Variants in PLPPR3 observed in about 807,000 individuals in gnomAD.
The protein encoded by PLPPR3 is phospholipid phosphatase-related protein type 3.
Under a neutral mutation model 27.3 loss-of-function variants are expected in PLPPR3, and 14 were observed. The observed-to-expected ratio is 0.51, with a 90% CI of 0.34 to 0.80. The LOEUF is 0.80. Ranked by LOEUF, PLPPR3 falls within the 30% of genes least tolerant of loss-of-function variation. PLPPR3 has a pLI of 0.01. For synonymous variants in PLPPR3, 671 were observed against 508.0 expected (o/e 1.32, Z -4.32); for missense variants, 1,287 against 1,056.9 (o/e 1.22, Z -3.02).
At chr19:821,990 C>T (rs995587663), upstream of PLPPR3, 1 of 142,736 alleles carries the variant, frequency 7.0e-6, no homozygotes, top group African/African-American at 2.5e-5. Context: ...GGGAGGGGGA[C>T]GGGGGAGGGG....
At chr19:822,724 G>C (rs1446110047), upstream of PLPPR3, among the ~76,000 whole-genome samples, 1 of 152,212 alleles carries the variant, frequency 6.6e-6, no homozygotes, top group African/African-American at 2.4e-5. Flanking sequence ...GCCCTGCGGG[G>C]TAGGGGCTGG....
intron 5 of PLPPR3, 65 bp downstream of exon 5, chr19:814,821 T>G: frequency 6.4e-7 from 1 of 1,573,508 alleles, no homozygotes; most frequent in Non-Finnish European, 8.6e-7. Context: ...TGTGTCTCTG[T>G]TTCCCCGCAT....
rs1379217459 is a variant in PLPPR3 at position 813,676 on chromosome 19, G to C, written c.1051C>G (p.Arg351Gly). The change falls in exon 8 of 8, where the codon CGC (arginine) becomes GGC (glycine). Residue 351 changes from arginine to glycine, a missense_variant. By Grantham distance (125) the Arg-to-Gly change is moderately radical. Coordinates refer to ENST00000520876, the MANE Select transcript of PLPPR3 (RefSeq NM_001270366.2). The surrounding 1 kb of genome is among the most constrained non-coding windows in gnomAD (Gnocchi z 4.1). ...REKTSLGSLK[R>G]ASVDVDLLAP... ...AGCAGGTCCACGTCCACGCTGGCGC[G>C]CTTCAGGCTGCCCAGCGAGGTCTTC... The C allele has an allele frequency of 6.5e-7, 1 of 1,533,292 alleles. No homozygotes were observed. The highest frequency in any genetic ancestry group is 8.7e-7 in the Non-Finnish European group (1 of 1,144,454). The allele number at this position is 1,533,292 out of a possible 1,614,324, so 95.0% of individuals were successfully genotyped here.
chr19:817,669 C>G (rs1413463195), intron 2 of PLPPR3, among the ~76,000 whole-genome samples: 1 of 152,086 alleles, frequency 6.6e-6, no homozygotes, highest in Non-Finnish European at 1.5e-5. Context: ...GGGCTGGGGG[C>G]TCCAGGAAGG....
chr19:813,357 T>C lies in PLPPR3; in HGVS notation c.1370A>G (p.Glu457Gly). 1.3e-6 allele frequency: 2 copies of C among 1,485,076 alleles called. No individual in the cohort carries two copies. Among genetic ancestry groups the C allele is most frequent in the Non-Finnish European group, 1.8e-6 (2 of 1,125,758 alleles). 92.0% of individuals were successfully genotyped at this position (1,485,076 alleles called of 1,614,324 possible). A position where few individuals can be genotyped will look rare whatever the true frequency, so the allele number is the denominator to read the frequency against. The stretch of plus-strand genomic sequence containing the variant: ...CGGGGCCGGGCCCTCGTCCTCCTCC[T>C]CTTCCTCCTCCTCCTCTTCCTCTTC... ...EDEEEEEEEE[E>G]EEDEGPAPPS... The change falls in exon 8 of 8, where the codon GAG (glutamate) becomes GGG (glycine). Residue 457 changes from glutamate to glycine, a missense_variant. By Grantham distance (98) the Glu-to-Gly change is moderately conservative. Transcript: ENST00000520876. The surrounding 1 kb of genome is among the most constrained non-coding windows in gnomAD (Gnocchi z 4.1).
chr19:822,299 G>A (rs924511947), upstream of PLPPR3, among the ~76,000 whole-genome samples: 60 of 151,812 alleles, frequency 4.0e-4, no homozygotes, highest in African/African-American at 1.5e-3. Flanking sequence ...GCGGAGGCGG[G>A]GGCGGGGGTT....
rs2034958287 is a variant in PLPPR3, at chr19:812,873, GCCGCCGTCGGCCT to G, written c.1841_1853del (p.Glu614AlafsTer124). ...CGCGCGCCAGGTCCCCCAGCTCGTA[GCCGCCGTCGGCCT>G]CCGCCTTGGCCCCGCCGCCCGCCGC... On this transcript the variant is annotated frameshift_variant, in exon 8 of 8. Coordinates refer to ENST00000520876, the MANE Select transcript of PLPPR3 (RefSeq NM_001270366.2). LOFTEE classifies it low-confidence loss of function (END_TRUNC). 1 of 1,189,530 alleles carries G rather than the reference GCCGCCGTCGGCCT, an allele frequency of 8.4e-7. No homozygotes were observed. The highest frequency in any genetic ancestry group is 1.0e-6 in the Non-Finnish European group (1 of 957,076). 73.7% of individuals were successfully genotyped at this position (1,189,530 alleles called of 1,614,324 possible). A position where few individuals can be genotyped will look rare whatever the true frequency, so the allele number is the denominator to read the frequency against.
Position 812,552 on chromosome 19 carries a change from G to T in PLPPR3, c.*18C>A, listed in dbSNP as rs1307683858. On this transcript the variant is annotated 3_prime_UTR_variant, in exon 8 of 8. Transcript: ENST00000520876. ...CGCGCCCTCGGCCCGCCCCCCGCCC[G>T]CCCCCGGCCCCGCCGCGCTAGTCGG... is the stretch of plus-strand genomic sequence containing the variant. 2.2e-5 allele frequency: 8 copies of T among 361,936 alleles called. No individual in the cohort carries two copies. The highest frequency in any genetic ancestry group is 2.6e-5 in the Non-Finnish European group (8 of 302,256). 22.4% of individuals were successfully genotyped at this position (361,936 alleles called of 1,614,324 possible). A position where few individuals can be genotyped will look rare whatever the true frequency, so the allele number is the denominator to read the frequency against.
upstream of PLPPR3, among the ~76,000 whole-genome samples, chr19:823,555 T>C (rs191081029): frequency 2.9e-4 from 44 of 152,020 alleles, no homozygotes; most frequent in African/African-American, 9.2e-4. Context: ...TCGCCTGCCA[T>C]AAATGCGGAA....
At position 813,388 on chromosome 19, in the gene PLPPR3, C is replaced by T. The variant is rs1335171754; in HGVS notation, c.1339G>A (p.Glu447Lys). The change falls in exon 8 of 8, where the codon GAG (glutamate) becomes AAG (lysine). Residue 447 changes from glutamate (E) to lysine (K), a missense_variant. Transcript: ENST00000520876. This position sits in a 1 kb window ranked among gnomAD's most constrained non-coding sequence, Gnocchi z 4.1. The stretch of plus-strand genomic sequence containing the variant: ...TCCTCCTCCTCTTCCTCTTCGTCCT[C>T]CTCCTCTTCCTCCTCCTCCGCCATG... ...EPMAEEEEEEEDEEEEEEEEE... is the reference protein window; with the variant it reads ...EPMAEEEEEEKDEEEEEEEEE... The T allele has an allele frequency of 2.7e-6, 4 of 1,500,556 alleles. No individual in the cohort carries two copies. The highest frequency in any genetic ancestry group is 1.8e-6 in the Non-Finnish European group (2 of 1,132,740). The allele number at this position is 1,500,556 out of a possible 1,614,324, so 93.0% of individuals were successfully genotyped here. A position where few individuals can be genotyped will look rare whatever the true frequency, so the allele number is the denominator to read the frequency against.
chr19:812,575 C>T lies in PLPPR3; in HGVS notation c.2152G>A (p.Asp718Asn), dbSNP rs1411754555. 2.0e-5 allele frequency: 15 copies of T among 747,474 alleles called. No homozygotes were observed. Among genetic ancestry groups the T allele is most frequent in the South Asian group, 3.5e-5 (1 of 28,312 alleles). The allele number at this position is 747,474 out of a possible 1,614,324, so 46.3% of individuals were successfully genotyped here. ...FRKMQARRFPD is the reference protein window; with the variant it reads ...FRKMQARRFPN ...CCGCCCCCGGCCCCGCCGCGCTAGT[C>T]GGGGAAGCGGCGCGCCTGCATCTTG... Residue 718 changes from aspartate (D) to asparagine (N), a missense_variant, in exon 8 of 8, where the codon GAC becomes AAC. By Grantham distance (23) the Asp-to-Asn change is conservative. Transcript: ENST00000520876.
chr19:813,692 C>T lies in PLPPR3; in HGVS notation c.1035G>A (p.Ser345=), dbSNP rs559205087. Residue 345 remains serine, a synonymous_variant, in exon 8 of 8, where the codon TCG becomes TCA. Coordinates refer to ENST00000520876, the MANE Select transcript of PLPPR3 (RefSeq NM_001270366.2). The surrounding 1 kb of genome is among the most constrained non-coding windows in gnomAD (Gnocchi z 4.1). ...CGCTGGCGCGCTTCAGGCTGCCCAGCGAGGTCTTCTCGCGGGCCACGGGCC... is the reference window on the plus strand; with the variant it reads ...CGCTGGCGCGCTTCAGGCTGCCCAGTGAGGTCTTCTCGCGGGCCACGGGCC... ...APRPVAREKT[S]LGSLKRASVD... The T allele has an allele frequency of 6.5e-7, 1 of 1,530,760 alleles. No individual in the cohort carries two copies. Among genetic ancestry groups the T allele is most frequent in the South Asian group, 1.2e-5 (1 of 83,672 alleles). The allele number at this position is 1,530,760 out of a possible 1,614,324, so 94.8% of individuals were successfully genotyped here.
Position 821,466 on chromosome 19 carries a change from C to T in PLPPR3, c.75+19G>A. On this transcript the variant is annotated intron_variant, in intron 2 of 7. Coordinates refer to ENST00000520876, the MANE Select transcript of PLPPR3 (RefSeq NM_001270366.2). ...GAACCGAGGCGTCTCCCCCGGGCCC[C>T]AGCGCGACCCCCACCCACCTCCACG... is the stretch of plus-strand genomic sequence containing the variant. 6.6e-7 allele frequency: 1 copy of T among 1,509,546 alleles called. No homozygotes were observed. Among genetic ancestry groups the T allele is most frequent in the Non-Finnish European group, 8.9e-7 (1 of 1,128,392 alleles). The allele number at this position is 1,509,546 out of a possible 1,614,324, so 93.5% of individuals were successfully genotyped here.
chr19:822,394 C>T (rs1390646019), upstream of PLPPR3, among the ~76,000 whole-genome samples: 2 of 152,068 alleles, frequency 1.3e-5, no homozygotes, highest in Non-Finnish European at 2.9e-5. Context: ...CTCCGCCCGC[C>T]CCTCCGCGGA....
In PLPPR3 at chr19:813,992, G is replaced by GT; in HGVS notation, c.832-98_832-97insA. The GT allele has an allele frequency of 8.2e-7, 1 of 1,217,540 alleles. No individual in the cohort carries two copies. The highest frequency in any genetic ancestry group is 1.7e-5 in the South Asian group (1 of 60,136). 75.4% of individuals were successfully genotyped at this position (1,217,540 alleles called of 1,614,324 possible). A position where few individuals can be genotyped will look rare whatever the true frequency, so the allele number is the denominator to read the frequency against. On this transcript the variant is annotated intron_variant, in intron 7 of 7. Coordinates refer to ENST00000520876, the MANE Select transcript of PLPPR3 (RefSeq NM_001270366.2). This position sits in a 1 kb window ranked among gnomAD's most constrained non-coding sequence, Gnocchi z 4.1. ...CCGCGGGGGGCTCTGGACCGGGGGT[G>GT]GGGGCTGGCAAGCTCTTGTCCAGTG... is the stretch of plus-strand genomic sequence containing the variant.
upstream of PLPPR3, among the ~76,000 whole-genome samples, chr19:823,297 C>A (rs2035174987): frequency 6.7e-6 from 1 of 149,356 alleles, no homozygotes; most frequent in South Asian, 2.1e-4. Context: ...TAAAAATTAG[C>A]CGGACATGGT....
intron 3 of PLPPR3, 52 bp from the exon 4 acceptor site, chr19:815,379 C>T (rs1243324495): frequency 6.7e-7 from 1 of 1,489,018 alleles, no homozygotes; most frequent in African/African-American, 1.4e-5. Flanking sequence ...GGAGGGGGCG[C>T]TCAGGCGGGC....
chr19:812,791 C>T lies in PLPPR3; in HGVS notation c.1936G>A (p.Val646Met), dbSNP rs1232041614. Reference sequence around the variant, plus strand: ...CCGAACCGCGGCTCCTCCTGGTCCACGTCGCTGACCGACGAGCCGGGGGAC... The same window carrying T: ...CCGAACCGCGGCTCCTCCTGGTCCATGTCGCTGACCGACGAGCCGGGGGAC... ...GVSPGSSVSD[V>M]DQEEPRFGAV... The change falls in exon 8 of 8, where the codon GTG becomes ATG. Residue 646 changes from valine (V) to methionine (M), a missense_variant. Val to Met is a conservative substitution (Grantham distance 21). Transcript: ENST00000520876. 1.8e-6 allele frequency: 2 copies of T among 1,090,486 alleles called. No homozygotes were observed. Among genetic ancestry groups the T allele is most frequent in the Non-Finnish European group, 2.2e-6 (2 of 896,612 alleles). 67.6% of individuals were successfully genotyped at this position (1,090,486 alleles called of 1,614,324 possible).
At position 813,000 on chromosome 19, in the gene PLPPR3, T is replaced by G; in HGVS notation, c.1727A>C (p.Asp576Ala). ...SSQYRSPSDR[D>A]SASIVTIDAH... Reference sequence around the variant, plus strand: ...GTCGATGGTCACGATGCTGGCGGAGTCGCGGTCCGACGGCGACCGGTACTG... The same window carrying G: ...GTCGATGGTCACGATGCTGGCGGAGGCGCGGTCCGACGGCGACCGGTACTG... The change falls in exon 8 of 8, where the codon GAC (aspartate) becomes GCC (alanine). Residue 576 changes from aspartate to alanine, a missense_variant. Asp to Ala is a moderately radical substitution (Grantham distance 126). Coordinates refer to ENST00000520876, the MANE Select transcript of PLPPR3 (RefSeq NM_001270366.2). The G allele has an allele frequency of 1.3e-6, 2 of 1,514,366 alleles. No individual in the cohort carries two copies. Among genetic ancestry groups the G allele is most frequent in the Middle Eastern group, 3.5e-4 (2 of 5,750 alleles). 93.8% of individuals were successfully genotyped at this position (1,514,366 alleles called of 1,614,324 possible). A position where few individuals can be genotyped will look rare whatever the true frequency, so the allele number is the denominator to read the frequency against.
Sources: gnomAD v4.1 joint callset for allele counts (sites outside exome capture counted in the v4.1 genomes callset) on GRCh38, gnomAD v4.1.1 for gene constraint, Gnocchi (gnomAD v3.1) non-coding constraint, MANE v1.5 for transcripts, NCBI Gene and HGNC (gene_info 2026-07-23, HGNC 2026-07-21) for gene names.